ANKRD30B: variants seen among roughly 807,000 people sequenced by gnomAD.
ANKRD30B encodes ankyrin repeat domain 30B.
Under a neutral mutation model 202.2 loss-of-function variants are expected in ANKRD30B, and 144 were observed. The ratio of observed to expected loss-of-function variants is 0.71; its 90% CI spans 0.62 to 0.82. The LOEUF is 0.82. Ranked by LOEUF, ANKRD30B falls within the 40% of genes least tolerant of loss-of-function variation. ANKRD30B has a pLI of 0.00. For synonymous variants in ANKRD30B, 508 were observed against 561.3 expected, an observed-to-expected ratio of 0.91 and a Z score of 1.34; for missense variants, 1,487 against 1,669.1, an observed-to-expected ratio of 0.89 and a Z score of 1.90.
chr18:14,927,545 A>G, the ANKRD30B span, among the ~76,000 whole-genome samples: 1 of 152,206 alleles, frequency 6.6e-6, no homozygotes, highest in Non-Finnish European at 1.5e-5. Flanking sequence ...AGGCCAAAGC[A>G]CTTTGTGATT....
chr18:14,752,420 ATGT>A, intron 1 of ANKRD30B, 143 bp from the exon 2 acceptor site: 1 of 588,776 alleles, frequency 1.7e-6, no homozygotes, highest in Non-Finnish European at 2.8e-6. Flanking sequence ...AAGAGAACGA[ATGT>A]TGTACTTTCT....
chr18:14,758,422 G>A (rs1914715566), intron 5 of ANKRD30B, among the ~76,000 whole-genome samples: 1 of 152,128 alleles, frequency 6.6e-6, no homozygotes, highest in Admixed American at 6.6e-5. Context: ...TTCTGTTGCT[G>A]CGCCGTTGCC....
intron 16 of ANKRD30B, 80 bp downstream of exon 16, chr18:14,791,571 T>C: frequency 8.9e-7 from 1 of 1,119,706 alleles, no homozygotes; most frequent in South Asian, 1.5e-5. Context: ...CTCTAATAGA[T>C]GAAGAAAATT....
At chr18:14,906,925 C>T in the ANKRD30B span, among the ~76,000 whole-genome samples, 5 of 142,732 alleles carry the variant, frequency 3.5e-5, no homozygotes, top group African/African-American at 8.0e-5. Context: ...GGTTGGGTGG[C>T]GGTGGGGGTC....
chr18:14,915,330 TCTC>T, the ANKRD30B span, among the ~76,000 whole-genome samples: 7 of 152,124 alleles, frequency 4.6e-5, no homozygotes, highest in African/African-American at 1.7e-4. Flanking sequence ...GCACCTCTCT[TCTC>T]CTTCTAGAAA....
chr18:14,839,325 T>C (rs1435693481), intron 36 of ANKRD30B, among the ~76,000 whole-genome samples: 1 of 152,212 alleles, frequency 6.6e-6, no homozygotes, highest in South Asian at 2.1e-4. Flanking sequence ...AGTAGATCTT[T>C]CTGCAACTGC....
intron 7 of ANKRD30B, 43 bp downstream of exon 7, chr18:14,764,133 G>A (rs1292573601): frequency 6.9e-7 from 1 of 1,458,910 alleles, no homozygotes; most frequent in Non-Finnish European, 9.0e-7. Context: ...TTGGCACTTT[G>A]GGTTCCCTAG....
intron 39 of ANKRD30B, among the ~76,000 whole-genome samples, chr18:14,847,053 TATA>T (rs1568072721): frequency 0.011 from 159 of 14,212 alleles, no homozygotes; most frequent in African/African-American, 0.041. Flanking sequence ...TTTAGTTTTA[TATA>T]TATATATATA....
rs757730136 is a variant in ANKRD30B at position 14,753,015 on chromosome 18, A to G, written c.510+3A>G. 2 of 1,581,544 alleles carry G rather than the reference A, an allele frequency of 1.3e-6. No homozygotes were observed. Among genetic ancestry groups the G allele is most frequent in the South Asian group, 1.2e-5 (1 of 86,838 alleles). ...CAGTCATCGAGGTGCAAAACAAGGTAGACATTAACCAATGTTATTTTCAAA... is the reference window on the plus strand; with the variant it reads ...CAGTCATCGAGGTGCAAAACAAGGTGGACATTAACCAATGTTATTTTCAAA... On this transcript the variant is annotated splice_donor_region_variant and intron_variant, in intron 3 of 43. Transcript: ENST00000690538.
Position 14,799,204 on chromosome 18 carries a change from T to C in ANKRD30B, c.2059-19T>C, listed in dbSNP as rs1471201286. On this transcript the variant is annotated intron_variant, in intron 21 of 43. Coordinates refer to ENST00000690538, the MANE Select transcript of ANKRD30B (RefSeq NM_001367607.2). ...AGTATACATTATATGTTAATTTTTG[T>C]GTTTCCAAACCCATTTAGCCTACCT... The C allele has an allele frequency of 6.3e-7, 1 of 1,584,556 alleles. No individual in the cohort carries two copies. The highest frequency in any genetic ancestry group is 1.7e-5 in the Admixed American group (1 of 57,494).
At chr18:14,784,251 C>T (rs1967934036) in intron 12 of ANKRD30B, 85 bp from the exon 13 acceptor site, 6 of 1,357,114 alleles carry the variant, frequency 4.4e-6, no homozygotes, top group Admixed American at 3.9e-5. Context: ...ACCAAGAGGA[C>T]TCAGTTAGAT....
chr18:14,833,235 C>T (rs549859289), intron 34 of ANKRD30B, among the ~76,000 whole-genome samples: 3 of 151,656 alleles, frequency 2.0e-5, no homozygotes, highest in South Asian at 2.1e-4. Context: ...CGCGTCCAGC[C>T]GAAACTCATG....
At chr18:14,758,251 A>C (rs1244219951) in intron 5 of ANKRD30B, among the ~76,000 whole-genome samples, 1 of 152,118 alleles carries the variant, frequency 6.6e-6, no homozygotes, top group Admixed American at 6.6e-5. Flanking sequence ...TCGGCAGAAA[A>C]CCTGATAATG....
the ANKRD30B span, among the ~76,000 whole-genome samples, chr18:14,918,971 GT>G: frequency 2.0e-5 from 3 of 152,202 alleles, no homozygotes; most frequent in Non-Finnish European, 4.4e-5. Flanking sequence ...CTTCTGCCAT[GT>G]GATGACACAG....
At chr18:14,826,720 C>CACACACACACAG (rs1970684173) in intron 32 of ANKRD30B, among the ~76,000 whole-genome samples, 1 of 151,608 alleles carries the variant, frequency 6.6e-6, no homozygotes, top group East Asian at 1.9e-4. Flanking sequence ...CACACACACA[C>CACACACACACAG]ACACACAAGT....
intron 9 of ANKRD30B, among the ~76,000 whole-genome samples, chr18:14,773,022 C>A (rs1324147087): frequency 2.0e-5 from 3 of 151,938 alleles, no homozygotes; most frequent in Non-Finnish European, 4.4e-5. Context: ...TTAAGGCATG[C>A]CAGTGTGTTT....
the ANKRD30B span, among the ~76,000 whole-genome samples, chr18:14,884,759 G>A: frequency 6.6e-6 from 1 of 152,120 alleles, no homozygotes; most frequent in African/African-American, 2.4e-5. Context: ...TTACTGGAAA[G>A]AGGCTAGGAC....
chr18:14,898,297 G>A, the ANKRD30B span, among the ~76,000 whole-genome samples: 3 of 152,114 alleles, frequency 2.0e-5, no homozygotes, highest in African/African-American at 4.8e-5. Context: ...TGGCAGCCGG[G>A]GGGAGGTTCA....
intron 33 of ANKRD30B, among the ~76,000 whole-genome samples, chr18:14,831,181 G>GGAAAAAA (rs1267118242): frequency 8.4e-4 from 44 of 52,352 alleles, no homozygotes; most frequent in African/African-American, 1.3e-3. Context: ...CTCCGTCTCG[G>GGAAAAAA]AAAAAAAAAA....
Sources: allele counts gnomAD v4.1 joint callset (sites outside exome capture counted in the v4.1 genomes callset), GRCh38; gene constraint gnomAD v4.1.1; transcripts MANE v1.5; gene names NCBI Gene and HGNC (gene_info 2026-07-23, HGNC 2026-07-21).